Variants in KCND3 observed in about 807,000 individuals in gnomAD.
KCND3 encodes the protein A-type voltage-gated potassium channel KCND3.
In KCND3, 9 loss-of-function variants were observed where a neutral mutation model predicts 51.1. That is an observed-to-expected ratio of 0.18 (90% CI 0.11 to 0.31). KCND3 has a LOEUF of 0.31. Ranked by LOEUF, KCND3 falls within the 10% of genes least tolerant of loss-of-function variation. The pLI is 1.00. For synonymous variants in KCND3, 349 were observed against 368.0 expected (o/e 0.95, Z 0.59); for missense variants, 526 against 903.8 (o/e 0.58, Z 5.36).
At chr1:111,878,599 A>G (rs12723872) in intron 2 of KCND3, among the ~76,000 whole-genome samples, 4,002 of 152,318 alleles carry the variant, frequency 0.026, 88 homozygotes, top group East Asian at 0.11. Context: ...GCTTTAACCC[A>G]CACAGCTGGC....
intron 2 of KCND3, among the ~76,000 whole-genome samples, chr1:111,802,017 C>A (rs938243665): frequency 1.3e-5 from 2 of 152,238 alleles, no homozygotes; most frequent in African/African-American, 4.8e-5. Context: ...AGCTGAGAGA[C>A]CTCAAGCAGG....
At chr1:111,984,381 T>G (rs1265325345) in intron 1 of KCND3, among the ~76,000 whole-genome samples, 1 of 152,196 alleles carries the variant, frequency 6.6e-6, no homozygotes, top group Non-Finnish European at 1.5e-5. Context: ...TGTTCGCCTT[T>G]TCTTCATGAC....
At chr1:111,818,614 G>T (rs956747989) in intron 2 of KCND3, among the ~76,000 whole-genome samples, 10 of 152,234 alleles carry the variant, frequency 6.6e-5, no homozygotes, top group Admixed American at 2.0e-4. Context: ...TGGAGTGCGG[G>T]AACTGTTGAC....
intron 2 of KCND3, among the ~76,000 whole-genome samples, chr1:111,892,269 T>A (rs1187611461): frequency 2.6e-5 from 4 of 152,184 alleles, no homozygotes; most frequent in Non-Finnish European, 5.9e-5. Context: ...GCCTGCCTGG[T>A]CACTCAGCCC....
chr1:111,780,278 A>T lies in KCND3; in HGVS notation c.1408T>A (p.Ser470Thr). Residue 470 changes from serine (S) to threonine (T), a missense_variant, in exon 5 of 8, where the codon TCA (serine) becomes ACA (threonine). Ser to Thr is a moderately conservative substitution (Grantham distance 58). Around this residue, in one of 5 missense-constraint regions of KCND3, gnomAD observed 266 missense variants for 305.5 expected, o/e 0.87. Coordinates refer to ENST00000302127, the MANE Select transcript of KCND3 (RefSeq NM_001378969.1). This position sits in a 1 kb window ranked among gnomAD's most constrained non-coding sequence, Gnocchi z 4.2. The stretch of plus-strand genomic sequence containing the variant: ...TGATGATGCTGGCTCTCGATGAGTG[A>T]GGTGGTCTTGCCCATGTGCTCCTCT... ...PEEEHMGKTT[S>T]LIESQHHHLL... 1 of 1,585,348 alleles carries T rather than the reference A, an allele frequency of 6.3e-7. No individual in the cohort carries two copies. The highest frequency in any genetic ancestry group is 8.6e-7 in the Non-Finnish European group (1 of 1,164,756).
Position 111,780,767 on chromosome 1 carries a change from C to A in KCND3, c.1294G>T (p.Val432Leu). The change falls in exon 4 of 8, where the codon GTG becomes TTG. Residue 432 changes from valine (V) to leucine (L), a missense_variant. Transcript: ENST00000302127. The surrounding 1 kb of genome is among the most constrained non-coding windows in gnomAD (Gnocchi z 4.2). ...QKKARLARIR[V>L]AKTGSSNAYL... ...GCATTCGAACTGCCTGTTTTGGCCA[C>A]ACGGATCCTGGCAAGGCGGGCCTTC... 6.2e-7 allele frequency: 1 copy of A among 1,613,510 alleles called. No individual in the cohort carries two copies. The highest frequency in any genetic ancestry group is 8.5e-7 in the Non-Finnish European group (1 of 1,179,864).
intron 2 of KCND3, among the ~76,000 whole-genome samples, chr1:111,871,289 TGGTAGGAACGTCA>T (rs745857100): frequency 8.5e-5 from 13 of 152,148 alleles, no homozygotes; most frequent in Non-Finnish European, 1.5e-4. Flanking sequence ...AAATGAACTG[TGGTAGGAACGTCA>T]GGTTAAGAAG....
chr1:111,870,139 A>G (rs1005366116), intron 2 of KCND3, among the ~76,000 whole-genome samples: 2 of 152,196 alleles, frequency 1.3e-5, no homozygotes, highest in Admixed American at 1.3e-4. Flanking sequence ...TGTTACTCCT[A>G]TTTTAAAGAT....
chr1:111,858,000 A>T (rs1239788281), intron 2 of KCND3, among the ~76,000 whole-genome samples: 1 of 152,156 alleles, frequency 6.6e-6, no homozygotes, highest in Non-Finnish European at 1.5e-5. Flanking sequence ...GATGGTCTGC[A>T]GTGCCCCCAT....
intron 2 of KCND3, among the ~76,000 whole-genome samples, chr1:111,816,132 C>T (rs1666078646): frequency 6.6e-6 from 1 of 152,264 alleles, no homozygotes; most frequent in Non-Finnish European, 1.5e-5. Context: ...AGGCATAGGG[C>T]ATTTCTGTGA....
chr1:111,845,992 C>T (rs1045553297), intron 2 of KCND3, among the ~76,000 whole-genome samples: 1 of 152,172 alleles, frequency 6.6e-6, no homozygotes, highest in African/African-American at 2.4e-5. Flanking sequence ...GTCCCCATAT[C>T]CTTCCAGATA....
intron 2 of KCND3, among the ~76,000 whole-genome samples, chr1:111,820,245 TC>T (rs1226003255): frequency 1.3e-5 from 2 of 152,202 alleles, no homozygotes; most frequent in Non-Finnish European, 2.9e-5. Context: ...TTCCTGGAAT[TC>T]CCCCCTGCTG....
At chr1:111,899,967 C>T (rs1008075680) in intron 2 of KCND3, among the ~76,000 whole-genome samples, 4 of 152,146 alleles carry the variant, frequency 2.6e-5, no homozygotes, top group African/African-American at 7.2e-5. Context: ...GGAATGATCA[C>T]GGGCACTGAT....
rs137927026 is a variant in KCND3 at position 111,978,878 on chromosome 1, T to C, written c.1106+2743A>G. On this transcript the variant is annotated intron_variant, in intron 2 of 7. Coordinates refer to ENST00000302127, the MANE Select transcript of KCND3 (RefSeq NM_001378969.1). ...AGCATTTTGCCAAGTGCTTGCTATG[T>C]ATAATCAAGCAACGAGCCTGGTAAT... Among the ~76,000 whole-genome samples, 264 of 152,318 alleles carry C rather than the reference T, an allele frequency of 1.7e-3. 1 individual carries two copies. The highest frequency in any genetic ancestry group is 6.2e-3 in the African/African-American group (258 of 41,570).
chr1:111,914,843 T>C (rs1164520962), intron 2 of KCND3, among the ~76,000 whole-genome samples: 5 of 152,176 alleles, frequency 3.3e-5, no homozygotes, highest in East Asian at 1.9e-4. Context: ...ACACTGGGAA[T>C]AGTAGATATG....
At chr1:111,781,973 A>G (rs990544323) in intron 3 of KCND3, among the ~76,000 whole-genome samples, 1 of 152,120 alleles carries the variant, frequency 6.6e-6, no homozygotes, top group Admixed American at 6.5e-5. Context: ...TGGGCTCTGT[A>G]AATCTATTTA....
At chr1:111,884,957 G>C (rs1669503316) in intron 2 of KCND3, among the ~76,000 whole-genome samples, 1 of 152,112 alleles carries the variant, frequency 6.6e-6, no homozygotes, top group Admixed American at 6.6e-5. Context: ...GCAGCACCCT[G>C]GCCTCTACCC....
At chr1:111,889,954 T>C (rs1204359556) in intron 2 of KCND3, among the ~76,000 whole-genome samples, 1 of 151,928 alleles carries the variant, frequency 6.6e-6, no homozygotes, top group East Asian at 1.9e-4. Flanking sequence ...TGTCCTGAGG[T>C]GGAAGCATTC....
At chr1:111,827,132 G>T (rs1666614204) in intron 2 of KCND3, among the ~76,000 whole-genome samples, 1 of 152,198 alleles carries the variant, frequency 6.6e-6, no homozygotes. Flanking sequence ...CCAGTTTTTG[G>T]ATGGGAAAAC....
Sources: allele counts gnomAD v4.1 joint callset (sites outside exome capture counted in the v4.1 genomes callset), GRCh38; gene constraint gnomAD v4.1.1; regional missense constraint gnomAD v4.1.1; non-coding constraint Gnocchi (gnomAD v3.1); transcripts MANE v1.5; gene names NCBI Gene and HGNC (gene_info 2026-07-23, HGNC 2026-07-21).